Variants in APP observed in about 807,000 individuals in gnomAD.
The protein encoded by APP is amyloid beta precursor protein.
A neutral mutation model predicts 101.4 loss-of-function variants in APP; 31 were observed. The ratio of observed to expected loss-of-function variants is 0.31; its 90% CI spans 0.23 to 0.41. APP has a LOEUF of 0.41. Among genes scored for constraint, APP ranks in the 10% least tolerant of loss-of-function variants. The probability of loss-of-function intolerance (pLI) is 1.00; values close to 1 mark genes in which losing one functional copy is unlikely to be tolerated. For synonymous variants in APP, 366 were observed against 364.4 expected (o/e 1.00, Z -0.05); for missense variants, 839 against 1,003.7 (o/e 0.84, Z 2.22).
At chr21:26,041,682 C>G (rs902303662) in intron 5 of APP, among the ~76,000 whole-genome samples, 49 of 152,148 alleles carry the variant, frequency 3.2e-4, no homozygotes, top group African/African-American at 1.1e-3. Flanking sequence ...CCCTGCACTA[C>G]AGAGGCATCT....
intron 8 of APP, among the ~76,000 whole-genome samples, chr21:25,994,721 G>C (rs1305610367): frequency 6.6e-6 from 1 of 152,164 alleles, no homozygotes; most frequent in Non-Finnish European, 1.5e-5. Flanking sequence ...TCAAGTCCAA[G>C]TTGCCCAGTC....
At chr21:26,017,429 T>A (rs7275672) in intron 6 of APP, among the ~76,000 whole-genome samples, 86,672 of 137,212 alleles carry the variant, frequency 0.63, 28,096 homozygotes, top group Non-Finnish European at 0.74. Flanking sequence ...AAAAAAAAAA[T>A]TTAAATTACA....
intron 13 of APP, among the ~76,000 whole-genome samples, chr21:25,915,766 C>T (rs939973282): frequency 6.6e-6 from 1 of 152,238 alleles, no homozygotes; most frequent in Non-Finnish European, 1.5e-5. Context: ...TTGTACTTCA[C>T]AGAACAGTCA....
chr21:25,915,742 G>A (rs138671617), intron 13 of APP, among the ~76,000 whole-genome samples: 314 of 152,366 alleles, frequency 2.1e-3, no homozygotes, highest in Non-Finnish European at 3.5e-3. Context: ...AGATCACAGT[G>A]AGAAATCTTA....
intron 13 of APP, among the ~76,000 whole-genome samples, chr21:25,917,015 C>T (rs1444411884): frequency 6.6e-6 from 1 of 152,164 alleles, no homozygotes; most frequent in Admixed American, 6.5e-5. Flanking sequence ...TGTAATCTAG[C>T]ACTTTGGGAG....
At chr21:25,993,156 C>A (rs2042934350) in intron 8 of APP, among the ~76,000 whole-genome samples, 1 of 152,114 alleles carries the variant, frequency 6.6e-6, no homozygotes, top group African/African-American at 2.4e-5. Context: ...TTGTTAAGTT[C>A]CAATTCTTTT....
intron 1 of APP, among the ~76,000 whole-genome samples, chr21:26,153,906 G>A (rs1422590726): frequency 1.3e-5 from 2 of 152,076 alleles, no homozygotes; most frequent in African/African-American, 4.8e-5. Context: ...AATATTTCAG[G>A]AATGAAATGA....
chr21:26,050,428 T>G (rs558150229), intron 5 of APP, among the ~76,000 whole-genome samples: 3 of 152,222 alleles, frequency 2.0e-5, no homozygotes, highest in Admixed American at 6.5e-5. Flanking sequence ...GTAACGGGAC[T>G]AAGCTCCCTA....
chr21:26,062,116 C>T (rs1015766970), intron 3 of APP, among the ~76,000 whole-genome samples: 3 of 150,628 alleles, frequency 2.0e-5, no homozygotes, highest in Non-Finnish European at 3.0e-5. Flanking sequence ...AGGCTGAGGC[C>T]GAAGAATCTC....
intron 3 of APP, among the ~76,000 whole-genome samples, chr21:26,056,853 T>G (rs2145978130): frequency 6.6e-6 from 1 of 152,344 alleles, no homozygotes; most frequent in South Asian, 2.1e-4. Context: ...CTGCTTACAT[T>G]ACTTTTAAAA....
chr21:26,090,333 A>T (rs1038582656), intron 2 of APP, among the ~76,000 whole-genome samples: 44 of 152,208 alleles, frequency 2.9e-4, no homozygotes, highest in African/African-American at 1.0e-3. Context: ...TCATGTTGAC[A>T]TGCAAATAGT....
chr21:26,113,442 C>G lies in APP; in HGVS notation c.58-1296G>C, dbSNP rs45519833. Among the ~76,000 whole-genome samples the G allele has an allele frequency of 6.1e-3, 928 of 152,276 alleles. 5 individuals are homozygous for G. The highest frequency in any genetic ancestry group is 9.0e-3 in the Non-Finnish European group (612 of 68,018). On this transcript the variant is annotated intron_variant, in intron 1 of 17. Transcript: ENST00000346798. ...ATTTTTACACATACTTCGTCAAAAC[C>G]CAACAGAGGACTTAGGTCCTTACAA...
intron 9 of APP, among the ~76,000 whole-genome samples, chr21:25,982,084 T>G (rs1382802689): frequency 6.6e-6 from 1 of 152,238 alleles, no homozygotes; most frequent in Non-Finnish European, 1.5e-5. Flanking sequence ...CCAAGTACCT[T>G]TCTTCGCCAG....
At chr21:25,929,611 TA>T (rs1314575602) in intron 13 of APP, among the ~76,000 whole-genome samples, 5 of 152,314 alleles carry the variant, frequency 3.3e-5, no homozygotes, top group Admixed American at 2.6e-4. Flanking sequence ...TTTCTCCTTC[TA>T]AGTAAGTTCC....
chr21:25,989,422 T>C (rs1328124937), intron 8 of APP, among the ~76,000 whole-genome samples: 4 of 152,206 alleles, frequency 2.6e-5, no homozygotes, highest in African/African-American at 7.2e-5. Context: ...ATCATTTTGA[T>C]ATGCATTTGT....
rs143966051 is a variant in APP, at chr21:25,968,798, G to T, written c.1458+6272C>A. Among the ~76,000 whole-genome samples, 274 of 152,262 alleles carry T rather than the reference G, an allele frequency of 1.8e-3. 1 individual carries two copies. The highest frequency in any genetic ancestry group is 6.3e-3 in the African/African-American group (263 of 41,544). ...TGTTTGCAAAGTCTGAGAATATACG[G>T]TAGAATTTGTTAAGGGTTAGACAGG... On this transcript the variant is annotated intron_variant, in intron 11 of 17. Coordinates refer to ENST00000346798, the MANE Select transcript of APP (RefSeq NM_000484.4).
intron 3 of APP, chr21:26,089,482 A>T (rs1007211502): frequency 2.1e-5 from 3 of 141,796 alleles, no homozygotes; most frequent in Non-Finnish European, 4.6e-5. Flanking sequence ...AAATAAGAGG[A>T]GTAGTTATTG....
chr21:26,028,297 T>C (rs1172927910), intron 5 of APP, among the ~76,000 whole-genome samples: 5 of 152,140 alleles, frequency 3.3e-5, no homozygotes. Context: ...ATTTAATGAA[T>C]ACTTATTCTG....
chr21:26,085,221 T>C (rs1201905372), intron 3 of APP, among the ~76,000 whole-genome samples: 2 of 152,252 alleles, frequency 1.3e-5, no homozygotes, highest in Admixed American at 6.5e-5. Context: ...AGGAGTCTGA[T>C]GTCTCTCCAA....
Sources: gnomAD v4.1 joint callset for allele counts (sites outside exome capture counted in the v4.1 genomes callset) on GRCh38, gnomAD v4.1.1 for gene constraint, MANE v1.5 for transcripts, NCBI Gene and HGNC (gene_info 2026-07-23, HGNC 2026-07-21) for gene names.